The following NCOA7 variants were observed in gnomAD, a reference collection of about 807,000 sequenced individuals.
The protein encoded by NCOA7 is nuclear receptor coactivator 7.
In NCOA7, 45 loss-of-function variants were observed where a neutral mutation model predicts 104.3. The ratio of observed to expected loss-of-function variants is 0.43; its 90% CI spans 0.34 to 0.55. The LOEUF (loss-of-function observed/expected upper bound fraction) is 0.55, where lower values mean the gene tolerates loss of function less well. NCOA7 is among the 20% of genes least tolerant of loss of function. NCOA7 has a pLI of 0.02. For synonymous variants in NCOA7, 398 were observed against 402.3 expected, an observed-to-expected ratio of 0.99 and a Z score of 0.13; for missense variants, 1,041 against 1,119.7, an observed-to-expected ratio of 0.93 and a Z score of 1.00.
At chr6:125,899,965 G>A (rs768479076) in intron 10 of NCOA7, 2 of 532,138 alleles carry the variant, frequency 3.8e-6, no homozygotes, top group African/African-American at 3.8e-5. Flanking sequence ...ATAGCTGAGG[G>A]TCCATTTCCA....
chr6:125,799,786 A>G (rs1478464269), intron 1 of NCOA7, among the ~76,000 whole-genome samples: 7 of 152,180 alleles, frequency 4.6e-5, no homozygotes, highest in East Asian at 3.9e-4. Context: ...ATATTACTCA[A>G]TGTCCTTCTA....
chr6:125,858,285 A>G (rs1781756175), intron 3 of NCOA7, among the ~76,000 whole-genome samples: 1 of 152,162 alleles, frequency 6.6e-6, no homozygotes, highest in Non-Finnish European at 1.5e-5. Flanking sequence ...ACTCTGGAAG[A>G]ACATAGATAA....
At chr6:125,813,788 A>G (rs1777304588) in intron 1 of NCOA7, among the ~76,000 whole-genome samples, 1 of 152,118 alleles carries the variant, frequency 6.6e-6, no homozygotes, top group Non-Finnish European at 1.5e-5. Flanking sequence ...GTGTGTGCTC[A>G]GGATACCTGG....
chr6:125,912,417 A>G (rs1241237263), intron 10 of NCOA7, among the ~76,000 whole-genome samples: 1 of 152,216 alleles, frequency 6.6e-6, no homozygotes, highest in East Asian at 1.9e-4. Context: ...GTCTATATGT[A>G]TATTTACTCG....
chr6:125,823,474 C>CTA (rs2128582846), intron 2 of NCOA7, among the ~76,000 whole-genome samples: 1 of 152,262 alleles, frequency 6.6e-6, no homozygotes, highest in South Asian at 2.1e-4. Flanking sequence ...AAATTACTAA[C>CTA]TAAACTGTTG....
At chr6:125,883,474 T>G (rs1784013681) in intron 7 of NCOA7, among the ~76,000 whole-genome samples, 1 of 152,162 alleles carries the variant, frequency 6.6e-6, no homozygotes. Flanking sequence ...TAAAACATTT[T>G]TATTACCTAA....
Position 125,796,261 on chromosome 6 carries a change from T to C in NCOA7, c.-65+5194T>C, listed in dbSNP as rs1775316160. On this transcript the variant is annotated intron_variant, in intron 1 of 15. Transcript: ENST00000392477. ...GTAAAAAATTAACCATGATTTTGGA[T>C]AGCATGTAAGATTGATAAAAAAAAA... is the stretch of plus-strand genomic sequence containing the variant. 2.0e-5 allele frequency among the ~76,000 whole-genome samples: 3 copies of C among 152,010 alleles called. No homozygotes were observed. The South Asian group carries it at 6.2e-4, about 32-fold the overall frequency.
intron 3 of NCOA7, among the ~76,000 whole-genome samples, chr6:125,862,533 A>G (rs2128627958): frequency 7.2e-6 from 1 of 138,350 alleles, no homozygotes; most frequent in South Asian, 2.2e-4. Context: ...ATTTATGAAC[A>G]AATTAGGTCA....
intron 2 of NCOA7, among the ~76,000 whole-genome samples, chr6:125,836,291 A>G (rs1032912961): frequency 1.3e-5 from 2 of 152,158 alleles, no homozygotes; most frequent in African/African-American, 4.8e-5. Context: ...ATGAATTTTC[A>G]TTTTTGCTGA....
In NCOA7 at chr6:125,930,301, G is replaced by A. The variant is rs942727370; in HGVS notation, c.*1530G>A. The A allele has an allele frequency of 3.9e-5, 6 of 152,532 alleles. No individual in the cohort carries two copies. The highest frequency in any genetic ancestry group is 7.3e-5 in the Non-Finnish European group (5 of 68,068). The allele number at this position is 152,532 out of a possible 1,614,324, so 9.4% of individuals were successfully genotyped here. On this transcript the variant is annotated 3_prime_UTR_variant, in exon 16 of 16. Coordinates refer to ENST00000392477, the MANE Select transcript of NCOA7 (RefSeq NM_181782.5). ...GAATCCGGGAAGCAGAGGTTGTAGTGAGCCAAGATCGTGCCACTGCACTCT... is the reference window on the plus strand; with the variant it reads ...GAATCCGGGAAGCAGAGGTTGTAGTAAGCCAAGATCGTGCCACTGCACTCT...
intron 10 of NCOA7, among the ~76,000 whole-genome samples, chr6:125,907,806 C>G (rs2128679533): frequency 6.6e-6 from 1 of 152,266 alleles, no homozygotes; most frequent in South Asian, 2.1e-4. Context: ...CATAGAGTTA[C>G]TGTACAATGT....
intron 2 of NCOA7, 50 bp downstream of exon 2, chr6:125,815,454 G>C: frequency 2.0e-6 from 3 of 1,483,306 alleles, no homozygotes; most frequent in Non-Finnish European, 2.8e-6. Context: ...AGAAATATTT[G>C]AGGGGACTTT....
At chr6:125,803,094 C>G (rs1583245478) in intron 1 of NCOA7, among the ~76,000 whole-genome samples, 1 of 152,174 alleles carries the variant, frequency 6.6e-6, no homozygotes, top group South Asian at 2.1e-4. Flanking sequence ...TGATAGAGAA[C>G]ATTTTCACTG....
upstream of NCOA7, among the ~76,000 whole-genome samples, chr6:125,788,862 T>C (rs1774602862): frequency 6.6e-6 from 1 of 152,088 alleles, no homozygotes; most frequent in East Asian, 1.9e-4. Context: ...CGTTTTATAA[T>C]TGATGGTCAC....
intron 11 of NCOA7, among the ~76,000 whole-genome samples, chr6:125,916,905 G>T (rs2128691841): frequency 6.6e-6 from 1 of 152,230 alleles, no homozygotes; most frequent in South Asian, 2.1e-4. Context: ...TTTGATGTAT[G>T]GTAGATGATA....
intron 2 of NCOA7, among the ~76,000 whole-genome samples, chr6:125,831,224 C>T (rs897710726): frequency 3.9e-5 from 6 of 152,156 alleles, no homozygotes; most frequent in African/African-American, 1.4e-4. Context: ...TTTTCAGGGG[C>T]CTTAGTGAAA....
chr6:125,802,936 C>G (rs1324969450), intron 1 of NCOA7, among the ~76,000 whole-genome samples: 1 of 152,162 alleles, frequency 6.6e-6, no homozygotes, highest in African/African-American at 2.4e-5. Context: ...TGCTTAGACA[C>G]TTTTTCTTAT....
At chr6:125,827,759 G>A (rs1778786723) in intron 2 of NCOA7, among the ~76,000 whole-genome samples, 1 of 152,334 alleles carries the variant, frequency 6.6e-6, no homozygotes, top group African/African-American at 2.4e-5. Flanking sequence ...AAGCTTGGCA[G>A]CTTCCTGGAT....
At chr6:125,891,851 A>C (rs920786543) in intron 10 of NCOA7, among the ~76,000 whole-genome samples, 6 of 152,154 alleles carry the variant, frequency 3.9e-5, no homozygotes, top group Admixed American at 1.3e-4. Flanking sequence ...ATTAAACATA[A>C]CTTGTTTTGC....
Sources: allele counts gnomAD v4.1 joint callset (sites outside exome capture counted in the v4.1 genomes callset), GRCh38; gene constraint gnomAD v4.1.1; transcripts MANE v1.5; gene names NCBI Gene and HGNC (gene_info 2026-07-23, HGNC 2026-07-21).